Variants in DENND10 observed in about 807,000 individuals in gnomAD.
DENND10 encodes the protein DENN domain-containing protein 10.
Under a neutral mutation model 43.6 loss-of-function variants are expected in DENND10, and 24 were observed. The ratio of observed to expected loss-of-function variants is 0.55; its 90% CI spans 0.40 to 0.77. The LOEUF (loss-of-function observed/expected upper bound fraction) is 0.77, where lower values mean the gene tolerates loss of function less well. Ranked by LOEUF, DENND10 falls within the 30% of genes least tolerant of loss-of-function variation. DENND10 has a pLI of 0.00. For missense variants in DENND10, 303 were observed against 429.9 expected, an observed-to-expected ratio of 0.70 and a Z score of 2.61; for synonymous variants, 125 against 157.6, an observed-to-expected ratio of 0.79 and a Z score of 1.55.
At position 119,117,678 on chromosome 10, in the gene DENND10, A is replaced by T. The variant is rs746689298; in HGVS notation, c.481+11A>T. 1 of 1,612,784 alleles carries T rather than the reference A, an allele frequency of 6.2e-7. No individual in the cohort carries two copies. Among genetic ancestry groups the T allele is most frequent in the Non-Finnish European group, 8.5e-7 (1 of 1,179,554 alleles). On this transcript the variant is annotated intron_variant, in intron 4 of 8. Coordinates refer to ENST00000361432, the MANE Select transcript of DENND10 (RefSeq NM_207009.4). ...CTGGCTCCATCAAAGGTAAGAAGGG[A>T]AAAAACAGGCCAGGGACGGTGGCTC...
At chr10:119,107,595 G>A (rs1475990184) in intron 1 of DENND10, among the ~76,000 whole-genome samples, 1 of 151,824 alleles carries the variant, frequency 6.6e-6, no homozygotes, top group Non-Finnish European at 1.5e-5. Flanking sequence ...GTAGAGATGG[G>A]GTTTCTCCAG....
intron 2 of DENND10, 51 bp from the exon 3 acceptor site, chr10:119,111,798 C>A: frequency 7.3e-7 from 1 of 1,368,266 alleles, no homozygotes; most frequent in Non-Finnish European, 1.0e-6. Context: ...AATAAAAATT[C>A]TGCTAAAGTG....
chr10:119,112,470 CTTTTCTTTTTCT>C (rs1256212810), intron 3 of DENND10, among the ~76,000 whole-genome samples: 6 of 148,906 alleles, frequency 4.0e-5, no homozygotes, highest in African/African-American at 1.2e-4. Context: ...AGTCTATTTT[CTTTTCTTTTTCT>C]TTTTCTTTTT....
At chr10:119,134,350 ATT>A (rs71016544) in intron 8 of DENND10, 9,109 of 131,902 alleles carry the variant, frequency 0.069, 755 homozygotes, top group African/African-American at 0.21. Flanking sequence ...AGAAGACATG[ATT>A]TTTTTTTTTT....
At position 119,132,802 on chromosome 10, in the gene DENND10, TGGGCTCGA is replaced by T; in HGVS notation, c.897+198_897+205del. On this transcript the variant is annotated intron_variant, in intron 8 of 8. Coordinates refer to ENST00000361432, the MANE Select transcript of DENND10 (RefSeq NM_207009.4). This position sits in a 1 kb window ranked among gnomAD's most constrained non-coding sequence, Gnocchi z 4.2. ...AGGCTGGCCTGATCTAGTTAGTTAC[TGGGCTCGA>T]GGGCAGGTATACACAGGGGCTGGTG... 1.7e-6 allele frequency: 1 copy of T among 592,282 alleles called. No homozygotes were observed. Among genetic ancestry groups the T allele is most frequent in the South Asian group, 2.0e-5 (1 of 50,088 alleles). The allele number at this position is 592,282 out of a possible 1,614,324, so 36.7% of individuals were successfully genotyped here.
rs373197694 is a variant in DENND10, at chr10:119,125,227, C to T, written c.694+1658C>T. ...CCTTAGGTGATCCACCCACCTCAGG[C>T]TCCCAAAGTGCCTGGATTGCAGGCA... On this transcript the variant is annotated intron_variant, in intron 6 of 8. Coordinates refer to ENST00000361432, the MANE Select transcript of DENND10 (RefSeq NM_207009.4). Among the ~76,000 whole-genome samples, 3 of 152,118 alleles carry T rather than the reference C, an allele frequency of 2.0e-5. No homozygotes were observed. In the East Asian group the frequency reaches 5.8e-4, roughly 30 times the overall value.
chr10:119,127,151 G>A (rs1454092252), intron 6 of DENND10, among the ~76,000 whole-genome samples: 7 of 149,842 alleles, frequency 4.7e-5, no homozygotes, highest in African/African-American at 7.4e-5. Context: ...CAGTCCTCCC[G>A]CCTTGGCCTC....
chr10:119,114,434 A>C (rs924143053), intron 3 of DENND10: 15 of 152,232 alleles, frequency 9.9e-5, no homozygotes, highest in Admixed American at 8.5e-4. Context: ...GTGGCAGCAG[A>C]AGCCCGCAGG....
At chr10:119,109,438 A>T (rs562963478) in intron 2 of DENND10, among the ~76,000 whole-genome samples, 1 of 152,246 alleles carries the variant, frequency 6.6e-6, no homozygotes, top group South Asian at 2.1e-4. Context: ...ACCCAAACAG[A>T]GATTTTTTCC....
chr10:119,122,300 CCT>C (rs1845614953), intron 5 of DENND10, among the ~76,000 whole-genome samples: 1 of 152,064 alleles, frequency 6.6e-6, no homozygotes, highest in Non-Finnish European at 1.5e-5. Context: ...GGAGTGAGGC[CCT>C]GTCACAGAAA....
chr10:119,125,881 C>A (rs775624155), intron 6 of DENND10, among the ~76,000 whole-genome samples: 3 of 152,094 alleles, frequency 2.0e-5, no homozygotes, highest in Non-Finnish European at 4.4e-5. Flanking sequence ...ATTGTGCTAT[C>A]AAATACTAGG....
chr10:119,120,977 A>C (rs1282690684), intron 5 of DENND10, among the ~76,000 whole-genome samples: 3 of 151,928 alleles, frequency 2.0e-5, no homozygotes, highest in East Asian at 1.9e-4. Flanking sequence ...AGATTTTTTA[A>C]ATTTTATTTT....
intron 6 of DENND10, among the ~76,000 whole-genome samples, chr10:119,125,316 T>G: frequency 6.6e-6 from 1 of 152,050 alleles, no homozygotes; most frequent in East Asian, 1.9e-4. Context: ...GTGACTTTTT[T>G]TTTTCATCTT....
chr10:119,120,693 G>A (rs1404514862), intron 5 of DENND10, among the ~76,000 whole-genome samples: 1 of 152,186 alleles, frequency 6.6e-6, no homozygotes, highest in Non-Finnish European at 1.5e-5. Context: ...AATATTTTAG[G>A]TTTGTGAGCC....
intron 2 of DENND10, among the ~76,000 whole-genome samples, chr10:119,110,075 G>A (rs1844904048): frequency 6.6e-6 from 1 of 151,994 alleles, no homozygotes; most frequent in African/African-American, 2.4e-5. Flanking sequence ...TTCTCCTAAA[G>A]TTCTGGGATT....
intron 6 of DENND10, among the ~76,000 whole-genome samples, chr10:119,124,955 C>T (rs1472573034): frequency 6.6e-6 from 1 of 151,848 alleles, no homozygotes; most frequent in Non-Finnish European, 1.5e-5. Context: ...ACTATTTAAC[C>T]TGTAAAGTTT....
At position 119,108,119 on chromosome 10, in the gene DENND10, T is replaced by C; in HGVS notation, c.207T>C (p.Phe69=). 1.2e-6 allele frequency: 2 copies of C among 1,614,012 alleles called. No homozygotes were observed. The highest frequency in any genetic ancestry group is 1.7e-6 in the Non-Finnish European group (2 of 1,179,898). The part of the protein sequence containing the change: ...FVFGQYRRTW[F]YITTIEVPDS... Reference sequence around the variant, plus strand: ...TTGGTCAGTACAGAAGAACATGGTTTTATATCACAACAATTGAAGTTCCAG... The same window carrying C: ...TTGGTCAGTACAGAAGAACATGGTTCTATATCACAACAATTGAAGTTCCAG... The change falls in exon 2 of 9, where the codon TTT becomes TTC. Residue 69 remains phenylalanine (F), a synonymous_variant. Transcript: ENST00000361432.
chr10:119,110,543 T>C (rs1844927021), intron 2 of DENND10, among the ~76,000 whole-genome samples: 1 of 152,092 alleles, frequency 6.6e-6, no homozygotes, highest in African/African-American at 2.4e-5. Flanking sequence ...CTGCAACCTC[T>C]GCCTCCTGGG....
chr10:119,121,065 T>C (rs1411145452), intron 5 of DENND10, among the ~76,000 whole-genome samples: 1 of 152,076 alleles, frequency 6.6e-6, no homozygotes, highest in Non-Finnish European at 1.5e-5. Flanking sequence ...TCCTCATGCC[T>C]TGGCCTCCCA....
Sources: gnomAD v4.1 joint callset for allele counts (sites outside exome capture counted in the v4.1 genomes callset) on GRCh38, gnomAD v4.1.1 for gene constraint, Gnocchi (gnomAD v3.1) non-coding constraint, MANE v1.5 for transcripts, NCBI Gene and HGNC (gene_info 2026-07-23, HGNC 2026-07-21) for gene names.